Variants in GPC5 observed in about 807,000 individuals in gnomAD.
GPC5 encodes glypican-5.
A neutral mutation model predicts 53.9 loss-of-function variants in GPC5; 47 were observed. The ratio of observed to expected loss-of-function variants is 0.87; its 90% CI spans 0.69 to 1.11. The LOEUF (loss-of-function observed/expected upper bound fraction) is 1.11, where lower values mean the gene tolerates loss of function less well. Among genes scored for constraint, GPC5 ranks in the 50% most tolerant of loss-of-function variants. GPC5 has a pLI of 0.00. For synonymous variants in GPC5, 286 were observed against 263.3 expected (o/e 1.09, Z -0.84); for missense variants, 748 against 713.1 (o/e 1.05, Z -0.56).
At chr13:92,414,935 G>A (rs2031803) in intron 7 of GPC5, among the ~76,000 whole-genome samples, 95,776 of 152,020 alleles carry the variant, frequency 0.63, 31,087 homozygotes, top group African/African-American at 0.79. Context: ...TTAAGTTTCA[G>A]CATACGCATT....
At chr13:92,192,805 G>A (rs2042231817) in intron 7 of GPC5, among the ~76,000 whole-genome samples, 1 of 152,154 alleles carries the variant, frequency 6.6e-6, no homozygotes, top group South Asian at 2.1e-4. Context: ...ATGTTTGCAT[G>A]ACAAATACAC....
At chr13:92,466,105 A>G (rs1409791616) in intron 7 of GPC5, among the ~76,000 whole-genome samples, 1 of 152,084 alleles carries the variant, frequency 6.6e-6, no homozygotes, top group Non-Finnish European at 1.5e-5. Flanking sequence ...TATGTTAATT[A>G]GCCTGATTTA....
intron 7 of GPC5, among the ~76,000 whole-genome samples, chr13:92,856,248 A>G (rs942057042): frequency 2.0e-5 from 3 of 152,226 alleles, no homozygotes; most frequent in Admixed American, 1.3e-4. Context: ...GAATTCTAAT[A>G]AAAGCACATA....
intron 7 of GPC5, among the ~76,000 whole-genome samples, chr13:92,516,286 G>C (rs1238621866): frequency 6.6e-6 from 1 of 152,048 alleles, no homozygotes; most frequent in African/African-American, 2.4e-5. Context: ...TAACATATTA[G>C]TAATTTGGAA....
rs530787179 is a variant in GPC5, at chr13:91,727,566, A to C, written c.1021-966A>C. ...AATAAATATGGGTAAAATAAATGAA[A>C]TGGATGCATAGCTTCTTCAATACTC... On this transcript the variant is annotated intron_variant, in intron 3 of 7. Transcript: ENST00000377067. Among the ~76,000 whole-genome samples the C allele has an allele frequency of 1.9e-4, 29 of 152,340 alleles. No individual in the cohort carries two copies. The South Asian group carries it at 3.9e-3, about 21-fold the overall frequency.
At chr13:92,387,830 A>T (rs1286489484) in intron 7 of GPC5, among the ~76,000 whole-genome samples, 5 of 152,124 alleles carry the variant, frequency 3.3e-5, no homozygotes, top group Non-Finnish European at 7.4e-5. Flanking sequence ...CTTCTAACTC[A>T]AACGGTTGTT....
chr13:91,956,289 T>C (rs1374803958), intron 6 of GPC5, among the ~76,000 whole-genome samples: 2 of 152,084 alleles, frequency 1.3e-5, no homozygotes, highest in African/African-American at 4.8e-5. Flanking sequence ...CAACCTGCCA[T>C]TGTCATCACA....
At chr13:92,126,913 G>A (rs145664582) in intron 6 of GPC5, among the ~76,000 whole-genome samples, 8 of 152,152 alleles carry the variant, frequency 5.3e-5, no homozygotes, top group Non-Finnish European at 7.4e-5. Flanking sequence ...GGAGGCAGTC[G>A]TGCTTAGATG....
chr13:92,373,052 T>G (rs2139296650), intron 7 of GPC5, among the ~76,000 whole-genome samples: 1 of 152,300 alleles, frequency 6.6e-6, no homozygotes, highest in African/African-American at 2.4e-5. Context: ...AGTAATTGGT[T>G]TTAAATCTAG....
chr13:92,298,847 C>T (rs534974246), intron 7 of GPC5, among the ~76,000 whole-genome samples: 15 of 152,308 alleles, frequency 9.8e-5, no homozygotes, highest in African/African-American at 3.4e-4. Flanking sequence ...GCCTCTCGTC[C>T]GCCATGATCT....
intron 6 of GPC5, among the ~76,000 whole-genome samples, chr13:92,035,233 G>T (rs2040883611): frequency 1.9e-5 from 2 of 105,758 alleles, no homozygotes. Flanking sequence ...AAAAAAAAAA[G>T]TTTAGAGATG....
chr13:91,820,635 A>G, intron 5 of GPC5, among the ~76,000 whole-genome samples: 1 of 152,188 alleles, frequency 6.6e-6, no homozygotes, highest in East Asian at 1.9e-4. Context: ...ACTTATTATA[A>G]GTCTGCATGT....
At chr13:91,933,053 C>T (rs1163189464) in intron 6 of GPC5, among the ~76,000 whole-genome samples, 2 of 151,938 alleles carry the variant, frequency 1.3e-5, no homozygotes, top group African/African-American at 4.8e-5. Context: ...TTTCCCTTAT[C>T]TGTCAAAGGG....
chr13:91,458,549 G>A (rs76681329), intron 2 of GPC5, among the ~76,000 whole-genome samples: 1,748 of 152,074 alleles, frequency 0.011, 37 homozygotes, highest in African/African-American at 0.041. Context: ...AAACCACAGT[G>A]TAATACCACT....
At chr13:91,938,226 G>C (rs959887312) in intron 6 of GPC5, among the ~76,000 whole-genome samples, 2 of 151,968 alleles carry the variant, frequency 1.3e-5, no homozygotes, top group Admixed American at 1.3e-4. Context: ...CTCCACTGCT[G>C]GTAAAGCCTT....
intron 6 of GPC5, among the ~76,000 whole-genome samples, chr13:92,030,267 A>C (rs956997119): frequency 6.6e-6 from 1 of 152,204 alleles, no homozygotes; most frequent in Non-Finnish European, 1.5e-5. Flanking sequence ...TTGGGGACTC[A>C]TGAATTTCCT....
chr13:91,573,124 G>A (rs917200484), intron 2 of GPC5, among the ~76,000 whole-genome samples: 1 of 152,128 alleles, frequency 6.6e-6, no homozygotes, highest in Non-Finnish European at 1.5e-5. Flanking sequence ...TTGCTGTAAC[G>A]AGTTGGGCAA....
In GPC5 at chr13:92,264,874, CTCTCTGTGTGTG is replaced by C. The variant is rs1212003723; in HGVS notation, c.1561+119887_1561+119898del. 7.7e-5 allele frequency among the ~76,000 whole-genome samples: 9 copies of C among 116,626 alleles called. No homozygotes were observed. In the East Asian group the frequency reaches 1.1e-3, roughly 15 times the overall value. 76.5% of individuals were successfully genotyped at this position (116,626 alleles called of 152,430 possible). On this transcript the variant is annotated intron_variant, in intron 7 of 7. Transcript: ENST00000377067. ...TTAGGGTCTCTCTCTCTCTCTCTCT[CTCTCTGTGTGTG>C]TGTGTGTGTGTGTGTGTGTGTGTGT...
intron 5 of GPC5, among the ~76,000 whole-genome samples, chr13:91,839,902 A>G (rs1052768467): frequency 1.3e-5 from 2 of 152,130 alleles, no homozygotes; most frequent in African/African-American, 4.8e-5. Context: ...GTTAGACATC[A>G]TGGCAACGAA....
Sources: allele counts gnomAD v4.1 joint callset (sites outside exome capture counted in the v4.1 genomes callset), GRCh38; gene constraint gnomAD v4.1.1; transcripts MANE v1.5; gene names NCBI Gene and HGNC (gene_info 2026-07-23, HGNC 2026-07-21).